The following PKD1 variants were observed in gnomAD, a reference collection of about 807,000 sequenced individuals.
The protein encoded by PKD1 is polycystin 1, transient receptor potential channel interacting, also known as polycystin-1.
PKD1 carries 81 observed loss-of-function variants against 361.7 expected under a neutral mutation model. The ratio of observed to expected loss-of-function variants is 0.22; its 90% CI spans 0.19 to 0.27. The LOEUF (loss-of-function observed/expected upper bound fraction) is 0.27, where lower values mean the gene tolerates loss of function less well. Among genes scored for constraint, PKD1 ranks in the 10% least tolerant of loss-of-function variants. PKD1 has a pLI of 1.00. For missense variants in PKD1, 6,399 were observed against 6,118.3 expected, an observed-to-expected ratio of 1.05 and a Z score of -1.53; for synonymous variants, 3,615 against 2,818.3, an observed-to-expected ratio of 1.28 and a Z score of -8.95.
chr16:2,131,059 C>T (rs1038041745), intron 1 of PKD1, among the ~76,000 whole-genome samples: 6 of 152,192 alleles, frequency 3.9e-5, no homozygotes, highest in African/African-American at 1.2e-4. Flanking sequence ...GCTCCAACGA[C>T]CAATTTACAA....
rs767054960 is a variant in PKD1 at position 2,100,290 on chromosome 16, G to C, written c.9588C>G (p.Phe3196Leu). The change falls in exon 28 of 46, where the codon TTC becomes TTG. Residue 3196 changes from phenylalanine (F) to leucine (L), a missense_variant. Transcript: ENST00000262304. This position sits in a 1 kb window ranked among gnomAD's most constrained non-coding sequence, Gnocchi z 4.4. The stretch of plus-strand genomic sequence containing the variant: ...GGTCCCTGACGATGACGTGCTGCAG[G>C]AACCAGGCAGGGCTGAGCCCTGCAG... Reference protein sequence around the residue: ...HDNKGLSPAWFLQHVIVRDLQ... With the variant: ...HDNKGLSPAWLLQHVIVRDLQ... The C allele has an allele frequency of 3.1e-6, 5 of 1,610,712 alleles. No individual in the cohort carries two copies. In the Admixed American group the frequency reaches 8.3e-5, roughly 27 times the overall value.
chr16:2,132,476 G>A (rs563177372), intron 1 of PKD1, among the ~76,000 whole-genome samples: 6 of 150,138 alleles, frequency 4.0e-5, no homozygotes, highest in Non-Finnish European at 7.4e-5. Flanking sequence ...TCGGGAGGCT[G>A]AGGCAGGAGA....
chr16:2,092,405 G>C (rs903510529), intron 39 of PKD1, 75 bp downstream of exon 39: 1 of 1,119,196 alleles, frequency 8.9e-7, no homozygotes, highest in African/African-American at 1.5e-5. Flanking sequence ...CAGGGCTGAT[G>C]CCAGAGCTCC....
chr16:2,118,026 C>T lies in PKD1; in HGVS notation c.966G>A (p.Ser322=), dbSNP rs1474667768. Reference sequence around the variant, plus strand: ...AGCGCCCAGGCAGCACATAGCGATGCGAGGCAGCCGGCCCAGCGGCATCCA... The same window carrying T: ...AGCGCCCAGGCAGCACATAGCGATGTGAGGCAGCCGGCCCAGCGGCATCCA... ...AEVDAAGPAA[S]HRYVLPGRYH... The change falls in exon 5 of 46, where the codon TCG becomes TCA. Residue 322 remains serine (S), a synonymous_variant. Transcript: ENST00000262304. This position sits in a 1 kb window ranked among gnomAD's most constrained non-coding sequence, Gnocchi z 6.0. 5.6e-6 allele frequency: 9 copies of T among 1,598,238 alleles called. No homozygotes were observed. In the East Asian group the frequency reaches 6.7e-5, roughly 12 times the overall value.
At position 2,092,466 on chromosome 16, in the gene PKD1, C is replaced by T; in HGVS notation, c.11269+14G>A. 1 of 1,545,792 alleles carries T rather than the reference C, an allele frequency of 6.5e-7. No homozygotes were observed. Among genetic ancestry groups the T allele is most frequent in the Non-Finnish European group, 8.9e-7 (1 of 1,120,408 alleles). The stretch of plus-strand genomic sequence containing the variant: ...GGAACGATTTAAGTCTTGGGGCACG[C>T]CCTGCCAGCTCACCTTCCTGCAGCC... On this transcript the variant is annotated intron_variant, in intron 39 of 45. Transcript: ENST00000262304.
At chr16:2,101,186 A>G (rs2092082666) in intron 26 of PKD1, among the ~76,000 whole-genome samples, 1 of 151,926 alleles carries the variant, frequency 6.6e-6, no homozygotes, top group Non-Finnish European at 1.5e-5. Flanking sequence ...ACAGGGTTTC[A>G]CCGTTAGCCA....
At position 2,089,661 on chromosome 16, in the gene PKD1, C is replaced by T. The variant is rs372311716; in HGVS notation, c.*66G>A. On this transcript the variant is annotated 3_prime_UTR_variant, in exon 46 of 46. Transcript: ENST00000262304. ...TCTGCCTGGCCCTCGGCCTTGACAG[C>T]GGCAGAAAGTAATACTGAGCGGTGT... 51 of 1,530,694 alleles carry T rather than the reference C, an allele frequency of 3.3e-5. No individual in the cohort carries two copies. Among genetic ancestry groups the T allele is most frequent in the Non-Finnish European group, 3.8e-5 (43 of 1,132,478 alleles). The allele number at this position is 1,530,694 out of a possible 1,614,324, so 94.8% of individuals were successfully genotyped here. A position where few individuals can be genotyped will look rare whatever the true frequency, so the allele number is the denominator to read the frequency against.
In PKD1 at chr16:2,102,137, G is replaced by A. The variant is rs543449289; in HGVS notation, c.9321C>T (p.Arg3107=). 8.9e-6 allele frequency: 14 copies of A among 1,568,992 alleles called. 1 individual carries two copies. Among genetic ancestry groups the A allele is most frequent in the South Asian group, 8.9e-5 (8 of 90,094 alleles). ...CCCGCTGCCCACAGAAAGGGATGGC[G>A]CGGCCCCGGCTGGCATCCAACTGGT... ...KLDQLDASRG[R]AIPFCGQRGR... is the part of the protein sequence containing the mutation. The change falls in exon 26 of 46, where the codon CGC becomes CGT. Residue 3107 remains arginine, a synonymous_variant. Transcript: ENST00000262304.
rs752010352 is a variant in PKD1 at position 2,091,948 on chromosome 16, C to A, written c.11412-42G>T. The A allele has an allele frequency of 3.1e-6, 5 of 1,611,734 alleles. No homozygotes were observed. In the South Asian group the frequency reaches 5.5e-5, roughly 18 times the overall value. On this transcript the variant is annotated intron_variant, in intron 40 of 45. Coordinates refer to ENST00000262304, the MANE Select transcript of PKD1 (RefSeq NM_001009944.3). ...GCGTGGGTGCCGCACCCCAGCCCTT[C>A]CGGCACCCCGGAGCCAGGCTGGTCA...
chr16:2,114,884 G>A lies in PKD1; in HGVS notation c.2139C>T (p.Asp713=), dbSNP rs1487434772. The A allele has an allele frequency of 6.5e-6, 10 of 1,530,410 alleles. No homozygotes were observed. Among genetic ancestry groups the A allele is most frequent in the Non-Finnish European group, 8.8e-6 (10 of 1,142,080 alleles). The allele number at this position is 1,530,410 out of a possible 1,614,324, so 94.8% of individuals were successfully genotyped here. A position where few individuals can be genotyped will look rare whatever the true frequency, so the allele number is the denominator to read the frequency against. ...HGQDVLMLPG[D]LVGLQHDAGP... The stretch of plus-strand genomic sequence containing the variant: ...CAGCGTCGTGCTGCAAGCCAACGAG[G>A]TCACCAGGGAGCATGAGGACATCCT... Residue 713 remains aspartate (D), a synonymous_variant, in exon 11 of 46, where the codon GAC becomes GAT. Transcript: ENST00000262304.
chr16:2,130,615 G>T (rs749799990), intron 1 of PKD1, among the ~76,000 whole-genome samples: 9 of 152,200 alleles, frequency 5.9e-5, no homozygotes, highest in Non-Finnish European at 4.4e-5. Flanking sequence ...GGAGCCAGGG[G>T]CCCCTCCGTG....
Position 2,118,926 on chromosome 16 carries a change from G to T in PKD1, c.360-81C>A, listed in dbSNP as rs1426190843. On this transcript the variant is annotated intron_variant, in intron 3 of 45. Coordinates refer to ENST00000262304, the MANE Select transcript of PKD1 (RefSeq NM_001009944.3). The surrounding 1 kb of genome is among the most constrained non-coding windows in gnomAD (Gnocchi z 6.0). ...GCCCCCCACTGGCAACCAGGCCCTG[G>T]AGCCACCCTGACAGCACCGCCTCCC... 6 of 683,096 alleles carry T rather than the reference G, an allele frequency of 8.8e-6. No homozygotes were observed. The African/African-American group carries it at 9.0e-5, about 10-fold the overall frequency. The allele number at this position is 683,096 out of a possible 1,614,324, so 42.3% of individuals were successfully genotyped here. A position where few individuals can be genotyped will look rare whatever the true frequency, so the allele number is the denominator to read the frequency against.
chr16:2,097,649 G>A (rs1365679872), intron 32 of PKD1, 79 bp downstream of exon 32: 25 of 1,610,520 alleles, frequency 1.6e-5, no homozygotes, highest in East Asian at 6.7e-5. Flanking sequence ...CACCCAGCAA[G>A]GACACGCAGC....
rs756819276 is a variant in PKD1 at position 2,109,938 on chromosome 16, A to G, written c.5229T>C (p.Ala1743=). ...NTSVTLSAEL[A]GGSGVVYTWS... The stretch of plus-strand genomic sequence containing the variant: ...AAGTGTATACGACACCACTGCCACC[A>G]GCCAGCTCGGCACTGAGGGTGACGC... The change falls in exon 15 of 46, where the codon GCT becomes GCC. Residue 1743 remains alanine (A), a synonymous_variant. Transcript: ENST00000262304. 5 of 1,610,298 alleles carry G rather than the reference A, an allele frequency of 3.1e-6. No homozygotes were observed. Among genetic ancestry groups the G allele is most frequent in the Non-Finnish European group, 4.2e-6 (5 of 1,179,654 alleles).
Position 2,114,270 on chromosome 16 carries a change from C to T in PKD1, c.2753G>A (p.Ser918Asn). Residue 918 changes from serine (S) to asparagine (N), a missense_variant, in exon 11 of 46, where the codon AGC becomes AAC. Ser to Asn is a conservative substitution (Grantham distance 46). Transcript: ENST00000262304. ...CACCCGCAGGCTGAGGTTGGCCCGG[C>T]TGGCGCTGTTTTCCACCACCACGTC... ...VVDVVVENSA[S>N]RANLSLRVTA... 6.2e-7 allele frequency: 1 copy of T among 1,610,440 alleles called. No homozygotes were observed. The highest frequency in any genetic ancestry group is 8.5e-7 in the Non-Finnish European group (1 of 1,179,658).
intron 1 of PKD1, 49 bp from the exon 2 acceptor site, chr16:2,119,427 G>C (rs2092687662): frequency 3.1e-6 from 4 of 1,279,298 alleles, no homozygotes; most frequent in Non-Finnish European, 4.4e-6. Context: ...TAGTAGGCCA[G>C]AGGCCATCCC....
In PKD1 at chr16:2,093,736, G is replaced by A. The variant is rs745700996; in HGVS notation, c.10824C>T (p.Val3608=). The A allele has an allele frequency of 8.2e-6, 13 of 1,581,124 alleles. No homozygotes were observed. The highest frequency in any genetic ancestry group is 1.0e-5 in the Non-Finnish European group (12 of 1,162,984). ...ASFLGWEPLK[V]LLEALYFSLV... ...GTGAGAAGTACAGGGCTTCCAGCAA[G>A]ACCTGGGGAGGGGGTGGCTTCAGAG... Residue 3608 remains valine (V), a splice_region_variant and synonymous_variant, in exon 37 of 46, where the codon GTC becomes GTT. Coordinates refer to ENST00000262304, the MANE Select transcript of PKD1 (RefSeq NM_001009944.3).
rs767399362 is a variant in PKD1 at position 2,114,148 on chromosome 16, G to T, written c.2853+22C>A. 5 of 1,598,154 alleles carry T rather than the reference G, an allele frequency of 3.1e-6. No homozygotes were observed. The African/African-American group carries it at 4.0e-5, about 13-fold the overall frequency. The stretch of plus-strand genomic sequence containing the variant: ...GCAGGCACCTGCCTGGGGGCTGGTG[G>T]TGGAGCCTCGGCCATACTCACCACT... On this transcript the variant is annotated intron_variant, in intron 11 of 45. Coordinates refer to ENST00000262304, the MANE Select transcript of PKD1 (RefSeq NM_001009944.3).
At position 2,100,819 on chromosome 16, in the gene PKD1, C is replaced by T. The variant is rs2092065877; in HGVS notation, c.9398-253G>A. The T allele has an allele frequency of 1.5e-5, 8 of 542,354 alleles. No individual in the cohort carries two copies. The South Asian group carries it at 1.6e-4, about 11-fold the overall frequency. The allele number at this position is 542,354 out of a possible 1,614,324, so 33.6% of individuals were successfully genotyped here. A position where few individuals can be genotyped will look rare whatever the true frequency, so the allele number is the denominator to read the frequency against. On this transcript the variant is annotated intron_variant, in intron 26 of 45. Coordinates refer to ENST00000262304, the MANE Select transcript of PKD1 (RefSeq NM_001009944.3). The surrounding 1 kb of genome is among the most constrained non-coding windows in gnomAD (Gnocchi z 4.4). ...TGACATGCAAACATGGCTGCACACG[C>T]CTCAGTCCACACCACAACCAGTGAC...
Sources: allele counts gnomAD v4.1 joint callset (sites outside exome capture counted in the v4.1 genomes callset), GRCh38; gene constraint gnomAD v4.1.1; non-coding constraint Gnocchi (gnomAD v3.1); transcripts MANE v1.5; gene names NCBI Gene and HGNC (gene_info 2026-07-23, HGNC 2026-07-21).